ZNF721: variants seen among roughly 807,000 people sequenced by gnomAD.
ZNF721 encodes the protein zinc finger protein 721.
A neutral mutation model predicts 2.4 loss-of-function variants in ZNF721; 2 were observed. The ratio of observed to expected loss-of-function variants is 0.82; its 90% CI spans 0.34 to 2.58. The LOEUF (loss-of-function observed/expected upper bound fraction) is 2.58. ZNF721 is among the 30% of genes most tolerant of loss of function. The pLI is 0.11. For synonymous variants in ZNF721, 398 were observed against 381.8 expected, an observed-to-expected ratio of 1.04 and a Z score of -0.50; for missense variants, 1,187 against 1,085.5, an observed-to-expected ratio of 1.09 and a Z score of -1.31.
rs782396407 is a variant in ZNF721, at chr4:442,199, T to C, written c.2268A>G (p.Lys756=). ...IHTGDKLYKC[K]ECGKVFKQSS... The stretch of plus-strand genomic sequence containing the variant: ...ACTGTTTAAACACTTTCCCACATTC[T>C]TTACATTTGTAGAGTTTATCTCCAG... The change falls in exon 3 of 3, where the codon AAA becomes AAG. Residue 756 remains lysine, a synonymous_variant. Coordinates refer to ENST00000511833, the MANE Select transcript of ZNF721 (RefSeq NM_133474.4). The C allele has an allele frequency of 6.2e-7, 1 of 1,612,148 alleles. No homozygotes were observed. Among genetic ancestry groups the C allele is most frequent in the African/African-American group, 1.3e-5 (1 of 74,928 alleles).
intron 1 of ZNF721, among the ~76,000 whole-genome samples, chr4:490,051 G>A (rs2108723425): frequency 6.6e-6 from 1 of 151,964 alleles, no homozygotes; most frequent in Admixed American, 6.5e-5. Context: ...GTAGAGATGA[G>A]GTTTCACCAT....
At chr4:481,031 C>G (rs1473118876) in intron 1 of ZNF721, among the ~76,000 whole-genome samples, 1 of 152,162 alleles carries the variant, frequency 6.6e-6, no homozygotes, top group Non-Finnish European at 1.5e-5. Context: ...AAACAATCCT[C>G]CCAACTCAGC....
At chr4:456,176 TTCTCCTGCCTTAG>T (rs1714843206) in intron 2 of ZNF721, among the ~76,000 whole-genome samples, 2 of 152,114 alleles carry the variant, frequency 1.3e-5, no homozygotes, top group South Asian at 4.1e-4. Context: ...GTTCAAGTGA[TTCTCCTGCCTTAG>T]TCTCCTGAGT....
At chr4:472,387 T>G (rs1203544198) in intron 2 of ZNF721, among the ~76,000 whole-genome samples, 188 bp downstream of exon 2, 1 of 152,270 alleles carries the variant, frequency 6.6e-6, no homozygotes, top group Non-Finnish European at 1.5e-5. Context: ...AAATGATATG[T>G]TGCTTCACTT....
intron 2 of ZNF721, among the ~76,000 whole-genome samples, chr4:469,586 T>G (rs1553867285): frequency 6.6e-6 from 1 of 152,196 alleles, no homozygotes. Context: ...ATTGTAAAAT[T>G]TAAGTGTAAC....
chr4:486,303 C>T (rs1468911075), intron 1 of ZNF721, among the ~76,000 whole-genome samples: 9 of 151,972 alleles, frequency 5.9e-5, no homozygotes, highest in Non-Finnish European at 8.8e-5. Context: ...GGACTACAGG[C>T]GTCCGCCACC....
chr4:456,037 T>C (rs1477992266), intron 2 of ZNF721, among the ~76,000 whole-genome samples: 6 of 149,746 alleles, frequency 4.0e-5, no homozygotes, highest in African/African-American at 7.4e-5. Flanking sequence ...ACAGTCATGA[T>C]CACCAAAAAA....
chr4:449,182 T>A (rs1165161490), intron 2 of ZNF721, among the ~76,000 whole-genome samples: 2 of 152,116 alleles, frequency 1.3e-5, no homozygotes, highest in Non-Finnish European at 2.9e-5. Context: ...AAGCTGAATA[T>A]TTAAAAATAT....
chr4:453,735 C>T (rs940194066), intron 2 of ZNF721: 3 of 152,190 alleles, frequency 2.0e-5, no homozygotes, highest in Admixed American at 1.3e-4. Flanking sequence ...AAGAATCGTC[C>T]GTGACAACAT....
At chr4:478,871 G>C (rs543528580) in intron 1 of ZNF721, among the ~76,000 whole-genome samples, 1 of 151,348 alleles carries the variant, frequency 6.6e-6, no homozygotes, top group Non-Finnish European at 1.5e-5. Flanking sequence ...CCGGGTTCAA[G>C]CGATTCTCCT....
chr4:444,978 A>ATT (rs1714424456), intron 2 of ZNF721, among the ~76,000 whole-genome samples: 1 of 138,194 alleles, frequency 7.2e-6, no homozygotes, highest in South Asian at 2.3e-4. Flanking sequence ...GTGATGAGAG[A>ATT]CTTTTTTTTT....
intron 2 of ZNF721, among the ~76,000 whole-genome samples, chr4:449,216 T>G (rs1553864558): frequency 1.3e-5 from 2 of 152,164 alleles, no homozygotes; most frequent in African/African-American, 4.8e-5. Context: ...TTCAGCATTT[T>G]TGAAAACAAA....
Position 443,167 on chromosome 4 carries a change from C to T in ZNF721, c.1300G>A (p.Glu434Lys), listed in dbSNP as rs1714331245. Reference protein sequence around the residue: ...RAFGLSTNLNEYKKIHTGDKP... With the variant: ...RAFGLSTNLNKYKKIHTGDKP... ...TCTCCAGTATGAATTTTCTTATATT[C>T]ATTCAGGTTTGTGGACAATCCAAAG... Residue 434 changes from glutamate (E) to lysine (K), a missense_variant, in exon 3 of 3, where the codon GAA becomes AAA. Physicochemically the swap from Glu to Lys is moderately conservative, Grantham distance 56. Transcript: ENST00000511833. 2 of 1,613,592 alleles carry T rather than the reference C, an allele frequency of 1.2e-6. No individual in the cohort carries two copies. Among genetic ancestry groups the T allele is most frequent in the Admixed American group, 1.7e-5 (1 of 59,980 alleles).
At chr4:491,859 T>TA (rs1248454722) in intron 1 of ZNF721, among the ~76,000 whole-genome samples, 1 of 148,982 alleles carries the variant, frequency 6.7e-6, no homozygotes, top group Non-Finnish European at 1.5e-5. Context: ...TAACCTTAAT[T>TA]AAAAAAAAAA....
chr4:465,898 TTAAAAAA>T (rs1465318439), intron 2 of ZNF721, among the ~76,000 whole-genome samples: 1 of 151,930 alleles, frequency 6.6e-6, no homozygotes, highest in East Asian at 1.9e-4. Flanking sequence ...CATGAAAGGA[TTAAAAAA>T]CAGAAACTAC....
chr4:498,110 CAGG>C (rs542744574), intron 1 of ZNF721, among the ~76,000 whole-genome samples: 146 of 142,514 alleles, frequency 1.0e-3, no homozygotes, highest in African/African-American at 3.8e-3. Flanking sequence ...GAGGCTGAGG[CAGG>C]AGAATTGCTT....
At chr4:466,770 T>C (rs1301422179) in intron 2 of ZNF721, among the ~76,000 whole-genome samples, 3 of 152,148 alleles carry the variant, frequency 2.0e-5, no homozygotes, top group Non-Finnish European at 2.9e-5. Flanking sequence ...AATCCAACCA[T>C]ATAATCCAGT....
rs1328268706 is a variant in ZNF721, at chr4:441,449, T to C, written c.*246A>G. On this transcript the variant is annotated 3_prime_UTR_variant, in exon 3 of 3. Transcript: ENST00000511833. ...TTGGAAGTCTTTGCCACATTTTTAA[T>C]TTTAATTTGGCTTCTCATCAATATA... is the stretch of plus-strand genomic sequence containing the variant. The C allele has an allele frequency of 1.1e-5, 4 of 357,180 alleles. No individual in the cohort carries two copies. Among genetic ancestry groups the C allele is most frequent in the Non-Finnish European group, 2.0e-5 (4 of 198,848 alleles). The allele number at this position is 357,180 out of a possible 1,614,324, so 22.1% of individuals were successfully genotyped here.
rs930290947 is a variant in ZNF721 at position 495,240 on chromosome 4, C to T, written c.-94+3816G>A. Among the ~76,000 whole-genome samples, 3 of 149,348 alleles carry T rather than the reference C, an allele frequency of 2.0e-5. No homozygotes were observed. In the South Asian group the frequency reaches 6.3e-4, roughly 31 times the overall value. On this transcript the variant is annotated intron_variant, in intron 1 of 2. Transcript: ENST00000511833. Reference sequence around the variant, plus strand: ...TCTAAACTACATACTTCCTTAAAAACTCAAGAGCAGCCTGTTGCAGTAACT... The same window carrying T: ...TCTAAACTACATACTTCCTTAAAAATTCAAGAGCAGCCTGTTGCAGTAACT...
Sources: allele counts gnomAD v4.1 joint callset (sites outside exome capture counted in the v4.1 genomes callset), GRCh38; gene constraint gnomAD v4.1.1; transcripts MANE v1.5; gene names NCBI Gene and HGNC (gene_info 2026-07-23, HGNC 2026-07-21).